Variants in TTC23 observed in about 807,000 individuals in gnomAD.
TTC23 encodes the protein tetratricopeptide repeat domain 23.
TTC23 carries 58 observed loss-of-function variants against 55.1 expected under a neutral mutation model. The ratio of observed to expected loss-of-function variants is 1.05; its 90% CI spans 0.85 to 1.31. TTC23 has a LOEUF of 1.31. Among genes scored for constraint, TTC23 ranks in the 50% most tolerant of loss-of-function variants. TTC23 has a pLI of 0.00. For missense variants in TTC23, 516 were observed against 534.4 expected (o/e 0.97, Z 0.34); for synonymous variants, 203 against 199.9 (o/e 1.02, Z -0.13).
intron 8 of TTC23, among the ~76,000 whole-genome samples, chr15:99,212,763 C>A (rs997783036): frequency 2.0e-5 from 3 of 151,762 alleles, no homozygotes; most frequent in African/African-American, 7.3e-5. Context: ...TTTGGGAGGC[C>A]GAGACAGGAG....
At chr15:99,174,505 C>G (rs184337586) in intron 10 of TTC23, among the ~76,000 whole-genome samples, 3 of 150,550 alleles carry the variant, frequency 2.0e-5, no homozygotes, top group Non-Finnish European at 4.4e-5. Flanking sequence ...TTTCTGCCAA[C>G]GGAGGCACAT....
chr15:99,204,239 G>C (rs1291609322), intron 8 of TTC23, among the ~76,000 whole-genome samples: 1 of 152,140 alleles, frequency 6.6e-6, no homozygotes, highest in African/African-American at 2.4e-5. Context: ...GTGATCATCA[G>C]TGATGTTGAG....
rs187107192 is a variant in TTC23, at chr15:99,240,667, T to C, written c.-114+698A>G. Among the ~76,000 whole-genome samples, 14 of 152,348 alleles carry C rather than the reference T, an allele frequency of 9.2e-5. No homozygotes were observed. In the East Asian group the frequency reaches 2.7e-3, roughly 29 times the overall value. On this transcript the variant is annotated intron_variant, in intron 3 of 13. Coordinates refer to ENST00000394132, the MANE Select transcript of TTC23 (RefSeq NM_001288615.3). ...GTTCCCATTTGTCATTGTTCTTGTG[T>C]CTTATTGTAGGAAAGTAGGTCTCTG...
chr15:99,165,406 C>T (rs570552030), intron 10 of TTC23, among the ~76,000 whole-genome samples: 27 of 152,300 alleles, frequency 1.8e-4, no homozygotes, highest in African/African-American at 4.8e-4. Flanking sequence ...AAAGGAGAGA[C>T]GTAAACACTT....
chr15:99,160,516 G>A (rs993800743), intron 11 of TTC23: 1 of 152,086 alleles, frequency 6.6e-6, no homozygotes, highest in Non-Finnish European at 1.5e-5. Flanking sequence ...AAGTATTCAG[G>A]AGGCTTTGTC....
At chr15:99,158,466 T>A (rs946263200) in intron 11 of TTC23, 4 of 152,228 alleles carry the variant, frequency 2.6e-5, no homozygotes, top group African/African-American at 9.7e-5. Context: ...AGTATCAACC[T>A]CTGCTAGGAA....
At chr15:99,199,404 C>CAA (rs35189767) in intron 9 of TTC23, among the ~76,000 whole-genome samples, 60 of 57,924 alleles carry the variant, frequency 1.0e-3, no homozygotes, top group East Asian at 5.3e-3. Context: ...CCTGTCTCTC[C>CAA]AAAAAAAAAA....
intron 8 of TTC23, among the ~76,000 whole-genome samples, chr15:99,205,897 G>A (rs1023446071): frequency 2.6e-5 from 4 of 152,136 alleles, no homozygotes; most frequent in Non-Finnish European, 5.9e-5. Flanking sequence ...AGATCTTAGA[G>A]GAAAGGCTTT....
intron 12 of TTC23, chr15:99,139,645 A>G: frequency 6.8e-7 from 1 of 1,476,826 alleles, no homozygotes; most frequent in Non-Finnish European, 9.0e-7. Flanking sequence ...TGCAAAAAAT[A>G]GATTTAAAAG....
At chr15:99,147,440 T>C (rs2069073114) in intron 12 of TTC23, among the ~76,000 whole-genome samples, 1 of 151,494 alleles carries the variant, frequency 6.6e-6, no homozygotes, top group Admixed American at 6.6e-5. Context: ...TTAGCCAGGA[T>C]GGTCTCGATC....
chr15:99,191,444 A>G (rs1450486687), intron 9 of TTC23, among the ~76,000 whole-genome samples: 1 of 152,184 alleles, frequency 6.6e-6, no homozygotes, highest in Admixed American at 6.5e-5. Context: ...GACTATGTGC[A>G]TATTATCACT....
chr15:99,190,274 G>A (rs796953853), intron 9 of TTC23, among the ~76,000 whole-genome samples: 1 of 142,278 alleles, frequency 7.0e-6, no homozygotes, highest in African/African-American at 2.6e-5. Flanking sequence ...TTTTTTGTTT[G>A]TTTTTGTTTT....
intron 3 of TTC23, among the ~76,000 whole-genome samples, chr15:99,237,139 G>A (rs1402739794): frequency 6.6e-6 from 1 of 151,950 alleles, no homozygotes; most frequent in East Asian, 1.9e-4. Context: ...CCGCCACCAT[G>A]CCCAGCTAAC....
upstream of TTC23, among the ~76,000 whole-genome samples, chr15:99,250,403 A>C (rs1320124058): frequency 6.6e-6 from 1 of 152,218 alleles, no homozygotes; most frequent in East Asian, 1.9e-4. Context: ...TGAATAATTA[A>C]GTCAGCAACT....
intron 4 of TTC23, among the ~76,000 whole-genome samples, chr15:99,231,230 T>C (rs954037477): frequency 6.6e-5 from 10 of 152,254 alleles, no homozygotes; most frequent in Admixed American, 5.9e-4. Context: ...GGTTTATATA[T>C]TTAATATACT....
At chr15:99,143,239 A>G (rs748025481) in intron 12 of TTC23, among the ~76,000 whole-genome samples, 1 of 152,276 alleles carries the variant, frequency 6.6e-6, no homozygotes, top group African/African-American at 2.4e-5. Flanking sequence ...AAAATGTTTT[A>G]TATAGCTATA....
upstream of TTC23, among the ~76,000 whole-genome samples, chr15:99,250,515 G>C (rs922364283): frequency 2.6e-5 from 4 of 152,190 alleles, no homozygotes; most frequent in Non-Finnish European, 4.4e-5. Context: ...GGTTGTAGTA[G>C]AGGATTATAC....
intron 8 of TTC23, among the ~76,000 whole-genome samples, chr15:99,202,047 C>T (rs1343360695): frequency 2.6e-5 from 4 of 152,142 alleles, no homozygotes; most frequent in South Asian, 2.1e-4. Flanking sequence ...CATGCCCATT[C>T]GTTTACATAT....
chr15:99,139,660 A>G, intron 12 of TTC23: 1 of 1,432,592 alleles, frequency 7.0e-7, no homozygotes, highest in Non-Finnish European at 9.3e-7. Flanking sequence ...TAAAAGTAGT[A>G]TTTTTAAAAA....
Sources: gnomAD v4.1 joint callset for allele counts (sites outside exome capture counted in the v4.1 genomes callset) on GRCh38, gnomAD v4.1.1 for gene constraint, MANE v1.5 for transcripts, NCBI Gene and HGNC (gene_info 2026-07-23, HGNC 2026-07-21) for gene names.